SLC25A12: variants seen among roughly 807,000 people sequenced by gnomAD.
SLC25A12 encodes the protein electrogenic aspartate/glutamate antiporter SLC25A12, mitochondrial.
A neutral mutation model predicts 83.3 loss-of-function variants in SLC25A12; 32 were observed. The ratio of observed to expected loss-of-function variants is 0.38; its 90% CI spans 0.29 to 0.52. The LOEUF (loss-of-function observed/expected upper bound fraction) is 0.52. Ranked by LOEUF, SLC25A12 falls within the 20% of genes least tolerant of loss-of-function variation. The probability of loss-of-function intolerance (pLI) is 0.84; values close to 1 mark genes in which losing one functional copy is unlikely to be tolerated. For synonymous variants in SLC25A12, 267 were observed against 291.1 expected, an observed-to-expected ratio of 0.92 and a Z score of 0.84; for missense variants, 611 against 835.6, an observed-to-expected ratio of 0.73 and a Z score of 3.31.
chr2:171,845,357 G>A (rs1684771549), intron 4 of SLC25A12, among the ~76,000 whole-genome samples: 1 of 150,924 alleles, frequency 6.6e-6, no homozygotes, highest in Non-Finnish European at 1.5e-5. Context: ...GCATAGACTG[G>A]ATAAACTAAT....
rs151172477 is a variant in SLC25A12 at position 171,812,070 on chromosome 2, C to T, written c.1171+1269G>A. On this transcript the variant is annotated intron_variant, in intron 11 of 17. Coordinates refer to ENST00000422440, the MANE Select transcript of SLC25A12 (RefSeq NM_003705.5). ...TGTACGCCTTTCCACAGGGTACATG[C>T]TGTACAGGTGGAATTCAAAGAGACT... Among the ~76,000 whole-genome samples, 3 of 152,266 alleles carry T rather than the reference C, an allele frequency of 2.0e-5. 1 individual carries two copies. The East Asian group carries it at 5.8e-4, about 29-fold the overall frequency.
Position 171,853,552 on chromosome 2 carries a change from G to C in SLC25A12, c.325+2282C>G, listed in dbSNP as rs759682204. ...AAAAATTAGCGAGGCGTGGTGACAG[G>C]TGCCTGTAATCCCAGGTACTCGGGA... On this transcript the variant is annotated intron_variant, in intron 4 of 17. Coordinates refer to ENST00000422440, the MANE Select transcript of SLC25A12 (RefSeq NM_003705.5). 8.4e-4 allele frequency among the ~76,000 whole-genome samples: 128 copies of C among 152,264 alleles called. 1 individual carries two copies. Among genetic ancestry groups the C allele is most frequent in the Non-Finnish European group, 5.4e-4 (37 of 68,014 alleles).
At chr2:171,893,890 A>T (rs952472053) in intron 1 of SLC25A12, among the ~76,000 whole-genome samples, 1 of 151,252 alleles carries the variant, frequency 6.6e-6, no homozygotes, top group Admixed American at 6.6e-5. Flanking sequence ...TTCCTCCCAC[A>T]CCCTTTCTGA....
intron 5 of SLC25A12, among the ~76,000 whole-genome samples, chr2:171,842,797 T>C (rs571252530): frequency 1.6e-4 from 25 of 152,258 alleles, no homozygotes; most frequent in Non-Finnish European, 2.8e-4. Context: ...GTGAACGTAC[T>C]AAATGCCACT....
intron 2 of SLC25A12, among the ~76,000 whole-genome samples, chr2:171,881,142 C>CTTTT (rs201576623): frequency 1.3e-5 from 2 of 151,842 alleles, no homozygotes; most frequent in African/African-American, 4.9e-5. Context: ...CCCATATTTT[C>CTTTT]TTTTTTTGTT....
intron 8 of SLC25A12, among the ~76,000 whole-genome samples, chr2:171,832,953 C>T (rs1684474201): frequency 6.6e-6 from 1 of 152,206 alleles, no homozygotes; most frequent in African/African-American, 2.4e-5. Context: ...ATAACAACAG[C>T]TGTCCACATC....
chr2:171,860,925 T>C (rs1350287416), intron 3 of SLC25A12, among the ~76,000 whole-genome samples: 1 of 151,742 alleles, frequency 6.6e-6, no homozygotes, highest in East Asian at 1.9e-4. Flanking sequence ...CTACAAAAAA[T>C]ACCAAAATAA....
intron 2 of SLC25A12, among the ~76,000 whole-genome samples, chr2:171,886,505 A>G (rs1685822460): frequency 7.2e-6 from 1 of 138,698 alleles, no homozygotes; most frequent in Non-Finnish European, 1.6e-5. Flanking sequence ...CCTTGTACAT[A>G]TATATTCTTT....
chr2:171,792,214 A>G (rs1312990665), intron 14 of SLC25A12, among the ~76,000 whole-genome samples: 1 of 151,198 alleles, frequency 6.6e-6, no homozygotes, highest in Non-Finnish European at 1.5e-5. Flanking sequence ...AGAAGCCCAC[A>G]CCATTCCACT....
chr2:171,847,732 A>C (rs1684829948), intron 4 of SLC25A12, among the ~76,000 whole-genome samples: 2 of 152,362 alleles, frequency 1.3e-5, no homozygotes, highest in South Asian at 4.1e-4. Flanking sequence ...GGAATCCATT[A>C]GTTTTCTGAC....
chr2:171,878,871 A>AT (rs1280196572), intron 2 of SLC25A12, among the ~76,000 whole-genome samples: 1 of 152,248 alleles, frequency 6.6e-6, no homozygotes, highest in Non-Finnish European at 1.5e-5. Flanking sequence ...CTTCACTATT[A>AT]TGGCTCTTAC....
At chr2:171,790,157 C>A (rs1683414480) in intron 15 of SLC25A12, among the ~76,000 whole-genome samples, 1 of 152,192 alleles carries the variant, frequency 6.6e-6, no homozygotes, top group Non-Finnish European at 1.5e-5. Flanking sequence ...CCAAGGGCTC[C>A]TACCACACAA....
intron 11 of SLC25A12, among the ~76,000 whole-genome samples, chr2:171,810,853 T>C (rs556346945): frequency 5.3e-5 from 8 of 152,364 alleles, no homozygotes; most frequent in African/African-American, 1.4e-4. Context: ...GTTTTAAGTA[T>C]TGTTTAACGA....
Position 171,784,966 on chromosome 2 carries a change from T to C in SLC25A12, c.*308A>G. On this transcript the variant is annotated 3_prime_UTR_variant, in exon 18 of 18. Coordinates refer to ENST00000422440, the MANE Select transcript of SLC25A12 (RefSeq NM_003705.5). Reference sequence around the variant, plus strand: ...GGGATGAGGTGCCAAGATGTCTCTGTACAAAGATGTACAATATGTACAATC... The same window carrying C: ...GGGATGAGGTGCCAAGATGTCTCTGCACAAAGATGTACAATATGTACAATC... The C allele has an allele frequency of 2.7e-6, 1 of 363,668 alleles. No individual in the cohort carries two copies. Among genetic ancestry groups the C allele is most frequent in the Non-Finnish European group, 5.3e-6 (1 of 187,744 alleles). 22.5% of individuals were successfully genotyped at this position (363,668 alleles called of 1,614,324 possible).
At chr2:171,881,088 T>C (rs1286589316) in intron 2 of SLC25A12, among the ~76,000 whole-genome samples, 1 of 152,232 alleles carries the variant, frequency 6.6e-6, no homozygotes, top group Admixed American at 6.5e-5. Flanking sequence ...AGTGACACAG[T>C]AAGCATTAGC....
At chr2:171,819,323 T>C (rs1244983146) in intron 9 of SLC25A12, among the ~76,000 whole-genome samples, 2 of 122,458 alleles carry the variant, frequency 1.6e-5, no homozygotes, top group African/African-American at 6.1e-5. Context: ...ATATAATACA[T>C]AATATATAAT....
intron 3 of SLC25A12, among the ~76,000 whole-genome samples, chr2:171,862,583 T>G (rs1332108684): frequency 6.6e-6 from 1 of 152,058 alleles, no homozygotes. Flanking sequence ...CCGGAAAACA[T>G]GGGGGAAGGA....
chr2:171,824,717 T>TAAA, intron 9 of SLC25A12, among the ~76,000 whole-genome samples: 141 of 152,196 alleles, frequency 9.3e-4, no homozygotes, highest in Admixed American at 7.3e-3. Flanking sequence ...TAAACATAAT[T>TAAA]TTATAAAATT....
intron 5 of SLC25A12, among the ~76,000 whole-genome samples, chr2:171,840,708 C>A (rs1455240468): frequency 6.6e-6 from 1 of 151,734 alleles, no homozygotes; most frequent in African/African-American, 2.4e-5. Context: ...TTTAATAGTC[C>A]TAGAAACTAA....
Sources: allele counts gnomAD v4.1 joint callset (sites outside exome capture counted in the v4.1 genomes callset), GRCh38; gene constraint gnomAD v4.1.1; transcripts MANE v1.5; gene names NCBI Gene and HGNC (gene_info 2026-07-23, HGNC 2026-07-21).